Variants in IL1R1 observed in about 807,000 individuals in gnomAD.
The protein encoded by IL1R1 is interleukin 1 receptor type 1.
In IL1R1, 22 loss-of-function variants were observed where a neutral mutation model predicts 50.2. The ratio of observed to expected loss-of-function variants is 0.44; its 90% CI spans 0.31 to 0.63. The LOEUF (loss-of-function observed/expected upper bound fraction) is 0.63. Among genes scored for constraint, IL1R1 ranks in the 20% least tolerant of loss-of-function variants. The pLI is 0.07. For missense variants in IL1R1, 509 were observed against 676.2 expected, an observed-to-expected ratio of 0.75 and a Z score of 2.74; for synonymous variants, 251 against 236.7, an observed-to-expected ratio of 1.06 and a Z score of -0.55.
chr2:102,115,259 C>G (rs929758982), intron 1 of IL1R1, among the ~76,000 whole-genome samples: 3 of 152,130 alleles, frequency 2.0e-5, no homozygotes, highest in Non-Finnish European at 4.4e-5. Flanking sequence ...CCCAAGTAAA[C>G]AAGAAGCTGG....
chr2:102,170,324 A>G (rs927331373), intron 7 of IL1R1, among the ~76,000 whole-genome samples: 2 of 152,222 alleles, frequency 1.3e-5, no homozygotes, highest in Non-Finnish European at 1.5e-5. Context: ...GTGAAATACT[A>G]TAGACCTTCT....
chr2:102,172,393 A>C, intron 8 of IL1R1: 2 of 985,260 alleles, frequency 2.0e-6, no homozygotes, highest in Non-Finnish European at 2.4e-6. Context: ...CCTCTTGTTT[A>C]GTGTCTCCTC....
At chr2:102,083,068 G>C (rs1437404108) in intron 1 of IL1R1, among the ~76,000 whole-genome samples, 1 of 152,128 alleles carries the variant, frequency 6.6e-6, no homozygotes, top group Admixed American at 6.5e-5. Context: ...CTGTAGGGCT[G>C]GCACGTGACT....
intron 1 of IL1R1, among the ~76,000 whole-genome samples, chr2:102,074,788 G>T (rs1377764264): frequency 2.0e-5 from 3 of 152,144 alleles, no homozygotes; most frequent in East Asian, 3.8e-4. Flanking sequence ...AAGGGATTTT[G>T]CTGTCATTTA....
upstream of IL1R1, among the ~76,000 whole-genome samples, chr2:102,140,899 G>A (rs377188544): frequency 7.2e-5 from 11 of 152,286 alleles, no homozygotes; most frequent in East Asian, 1.9e-3. Flanking sequence ...TCCCACCTGG[G>A]TCTAGAGGCC....
intron 1 of IL1R1, among the ~76,000 whole-genome samples, chr2:102,089,289 C>A (rs1679557817): frequency 6.6e-6 from 1 of 152,094 alleles, no homozygotes; most frequent in East Asian, 1.9e-4. Context: ...GACCTAATTT[C>A]AATATTGTTG....
At chr2:102,166,401 A>C in intron 6 of IL1R1, 120 bp downstream of exon 6, 1 of 653,690 alleles carries the variant, frequency 1.5e-6, no homozygotes, top group Non-Finnish European at 2.4e-6. Flanking sequence ...ATGATACCAC[A>C]AAAGTCACAT....
chr2:102,179,306 G>C lies in IL1R1; in HGVS notation c.*2547G>C, dbSNP rs1392205860. On this transcript the variant is annotated 3_prime_UTR_variant, in exon 12 of 12. Transcript: ENST00000410023. ...GATGACCAAGAATTACAAGTAGAATGGCAGCTGGAATTTAAGGAGGGACAA... is the reference window on the plus strand; with the variant it reads ...GATGACCAAGAATTACAAGTAGAATCGCAGCTGGAATTTAAGGAGGGACAA... 6.6e-6 allele frequency: 1 copy of C among 152,276 alleles called. No individual in the cohort carries two copies. The highest frequency in any genetic ancestry group is 6.6e-5 in the Admixed American group (1 of 15,262). 9.4% of individuals were successfully genotyped at this position (152,276 alleles called of 1,614,324 possible).
At chr2:102,087,937 T>C (rs1679498555) in intron 1 of IL1R1, among the ~76,000 whole-genome samples, 1 of 152,226 alleles carries the variant, frequency 6.6e-6, no homozygotes, top group South Asian at 2.1e-4. Flanking sequence ...AAGAAACAAC[T>C]CCTCATTCAT....
At chr2:102,110,235 A>G (rs13015479) in intron 1 of IL1R1, among the ~76,000 whole-genome samples, 42,446 of 151,892 alleles carry the variant, frequency 0.28, 6,810 homozygotes, top group African/African-American at 0.45. Flanking sequence ...AAGGCGGTGC[A>G]TTTTCTGCCT....
At chr2:102,108,248 G>C (rs979226542) in intron 1 of IL1R1, among the ~76,000 whole-genome samples, 3 of 151,202 alleles carry the variant, frequency 2.0e-5, no homozygotes, top group Non-Finnish European at 1.5e-5. Flanking sequence ...GTGTGGGGGG[G>C]GGTGTGTATA....
chr2:102,074,938 T>C (rs1175035236), intron 1 of IL1R1, among the ~76,000 whole-genome samples: 1 of 152,124 alleles, frequency 6.6e-6, no homozygotes, highest in African/African-American at 2.4e-5. Flanking sequence ...ATATATATAT[T>C]TAACTCATTA....
At chr2:102,107,222 G>A (rs1320750614) in intron 1 of IL1R1, among the ~76,000 whole-genome samples, 1 of 151,882 alleles carries the variant, frequency 6.6e-6, no homozygotes, top group African/African-American at 2.4e-5. Flanking sequence ...ATTCACAATA[G>A]CAAAGACTTG....
Position 102,175,382 on chromosome 2 carries a change from G to A in IL1R1, c.1136-96G>A, listed in dbSNP as rs1686038209. ...GTCATGCCATTGTATAAAAAAAGATGAATAGTTCATTATGTAATGAATGTT... is the reference window on the plus strand; with the variant it reads ...GTCATGCCATTGTATAAAAAAAGATAAATAGTTCATTATGTAATGAATGTT... On this transcript the variant is annotated intron_variant, in intron 10 of 11. Coordinates refer to ENST00000410023, the MANE Select transcript of IL1R1 (RefSeq NM_000877.4). 3.2e-5 allele frequency: 29 copies of A among 915,102 alleles called. 1 individual carries two copies. The South Asian group carries it at 3.7e-4, about 12-fold the overall frequency. The allele number at this position is 915,102 out of a possible 1,614,324, so 56.7% of individuals were successfully genotyped here.
intron 1 of IL1R1, among the ~76,000 whole-genome samples, chr2:102,071,759 A>G (rs1678730223): frequency 6.6e-6 from 1 of 152,122 alleles, no homozygotes; most frequent in Non-Finnish European, 1.5e-5. Context: ...ACCTCTTGTG[A>G]GGGAAGAGGG....
intron 1 of IL1R1, among the ~76,000 whole-genome samples, chr2:102,090,931 G>A (rs1447558679): frequency 6.6e-6 from 1 of 152,174 alleles, no homozygotes; most frequent in East Asian, 1.9e-4. Flanking sequence ...TGATCAGGGA[G>A]TTTCTTCTTT....
intron 1 of IL1R1, among the ~76,000 whole-genome samples, chr2:102,137,125 T>TG (rs1682389473): frequency 6.6e-6 from 1 of 152,214 alleles, no homozygotes; most frequent in Non-Finnish European, 1.5e-5. Flanking sequence ...AATTGGACAT[T>TG]GCTCAGAGGT....
At position 102,072,960 on chromosome 2, in the gene IL1R1, C is replaced by T. The variant is rs1678798585; in HGVS notation, c.-84+2427C>T. On this transcript the variant is annotated intron_variant, in intron 1 of 11. Coordinates refer to the IL1R1 transcript ENST00000409929. ...GAGCTTGAGCTGAGTCAAATGTAAA[C>T]AGCTCCTGGGGCTGTGGGTATAGAA... is the stretch of plus-strand genomic sequence containing the variant. 2.6e-5 allele frequency among the ~76,000 whole-genome samples: 4 copies of T among 152,210 alleles called. No homozygotes were observed. The South Asian group carries it at 8.3e-4, about 32-fold the overall frequency.
At chr2:102,089,030 C>T (rs1679547103) in intron 1 of IL1R1, among the ~76,000 whole-genome samples, 2 of 152,196 alleles carry the variant, frequency 1.3e-5, no homozygotes, top group Non-Finnish European at 2.9e-5. Flanking sequence ...CTGAAACTTT[C>T]TCCATATCAA....
Sources: gnomAD v4.1 joint callset for allele counts (sites outside exome capture counted in the v4.1 genomes callset) on GRCh38, gnomAD v4.1.1 for gene constraint, MANE v1.5 for transcripts, NCBI Gene and HGNC (gene_info 2026-07-23, HGNC 2026-07-21) for gene names.